Variants in SETBP1 observed in about 807,000 individuals in gnomAD.
The protein encoded by SETBP1 is SET binding protein 1, also known as SET-binding protein.
A neutral mutation model predicts 101.0 loss-of-function variants in SETBP1; 9 were observed. The ratio of observed to expected loss-of-function variants is 0.09; its 90% CI spans 0.05 to 0.16. The LOEUF (loss-of-function observed/expected upper bound fraction) is 0.16. SETBP1 is among the 10% of genes least tolerant of loss of function. SETBP1 has a pLI of 1.00. For synonymous variants in SETBP1, 818 were observed against 788.5 expected, an observed-to-expected ratio of 1.04 and a Z score of -0.63; for missense variants, 1,858 against 2,033.8, an observed-to-expected ratio of 0.91 and a Z score of 1.66.
rs186679188 is a variant in SETBP1, at chr18:44,739,969, G to A, written c.486+38137G>A. Among the ~76,000 whole-genome samples the A allele has an allele frequency of 7.2e-5, 11 of 152,304 alleles. No homozygotes were observed. In the East Asian group the frequency reaches 2.1e-3, roughly 29 times the overall value. The stretch of plus-strand genomic sequence containing the variant: ...GTTGGAAGAATAGAAAGTCTGCCTA[G>A]AGTGTCTTTGGAATGCCAGAGGATG... On this transcript the variant is annotated intron_variant, in intron 2 of 5. Coordinates refer to ENST00000649279, the MANE Select transcript of SETBP1 (RefSeq NM_015559.3).
At chr18:44,986,547 T>A (rs183282525) in intron 4 of SETBP1, 5 of 152,212 alleles carry the variant, frequency 3.3e-5, no homozygotes, top group Non-Finnish European at 5.9e-5. Flanking sequence ...GTAATACTTA[T>A]ATTAAAACAC....
chr18:44,895,317 T>TGAAG (rs540170191), intron 3 of SETBP1, among the ~76,000 whole-genome samples: 2 of 37,960 alleles, frequency 5.3e-5, no homozygotes, highest in South Asian at 1.0e-3. Flanking sequence ...AGAGAGGGAG[T>TGAAG]GAAGGAAGGA....
intron 3 of SETBP1, among the ~76,000 whole-genome samples, chr18:44,879,557 C>T (rs1054632956): frequency 6.6e-6 from 1 of 152,078 alleles, no homozygotes; most frequent in Non-Finnish European, 1.5e-5. Flanking sequence ...TTCAGCTTCC[C>T]AAGACCATAT....
intron 5 of SETBP1, among the ~76,000 whole-genome samples, chr18:45,058,476 G>A (rs1048199435): frequency 2.0e-5 from 3 of 152,064 alleles, no homozygotes; most frequent in African/African-American, 4.8e-5. Flanking sequence ...AAAGAATTAC[G>A]GCAAACTAAA....
chr18:44,909,899 C>T (rs1236963660), intron 3 of SETBP1, among the ~76,000 whole-genome samples: 1 of 152,204 alleles, frequency 6.6e-6, no homozygotes, highest in Non-Finnish European at 1.5e-5. Flanking sequence ...TGGAGAATCA[C>T]AGAATTAGCT....
At chr18:45,042,678 G>T (rs1471197503) in intron 5 of SETBP1, among the ~76,000 whole-genome samples, 1 of 151,948 alleles carries the variant, frequency 6.6e-6, no homozygotes, top group Non-Finnish European at 1.5e-5. Context: ...GTGTTATATG[G>T]GTCCCCCAAT....
intron 2 of SETBP1, among the ~76,000 whole-genome samples, chr18:44,727,186 CTGTGTGTG>C (rs56695366): frequency 4.8e-5 from 7 of 145,304 alleles, no homozygotes; most frequent in South Asian, 4.6e-4. Context: ...TATTTGATCA[CTGTGTGTG>C]TGTGTGTGTG....
At chr18:44,716,667 A>G (rs529651427) in intron 2 of SETBP1, among the ~76,000 whole-genome samples, 41 of 152,212 alleles carry the variant, frequency 2.7e-4, no homozygotes, top group Non-Finnish European at 4.6e-4. Context: ...GGTTCAAGCG[A>G]TCCTCTCACC....
In SETBP1 at chr18:45,016,405, G is replaced by A. The variant is rs145376592; in HGVS notation, c.4001-22080G>A. On this transcript the variant is annotated intron_variant, in intron 4 of 5. Transcript: ENST00000649279. ...CCAGCCCATAGAGAAAGTGGTGGGG[G>A]AGAGTGTGGACCCCTTCAGCCCCCA... 3.9e-3 allele frequency among the ~76,000 whole-genome samples: 591 copies of A among 152,150 alleles called. 3 individuals carry two copies. Among genetic ancestry groups the A allele is most frequent in the African/African-American group, 0.014 (570 of 41,528 alleles).
chr18:44,931,965 A>C (rs1444003005), intron 3 of SETBP1, among the ~76,000 whole-genome samples: 2 of 152,114 alleles, frequency 1.3e-5, no homozygotes, highest in African/African-American at 4.8e-5. Context: ...GTTATGTGTG[A>C]ATTTGATCCC....
chr18:44,948,316 G>A (rs189705604), intron 3 of SETBP1, among the ~76,000 whole-genome samples: 19 of 152,252 alleles, frequency 1.2e-4, no homozygotes, highest in African/African-American at 4.3e-4. Flanking sequence ...AATAACCCTA[G>A]GGATTCCAGA....
chr18:45,029,922 G>A (rs923353134), intron 4 of SETBP1, among the ~76,000 whole-genome samples: 26 of 151,340 alleles, frequency 1.7e-4, no homozygotes, highest in Non-Finnish European at 3.2e-4. Flanking sequence ...TGAGACAATG[G>A]GGTTTTCTAG....
Position 45,032,625 on chromosome 18 carries a change from G to T in SETBP1, c.4001-5860G>T, listed in dbSNP as rs544915935. 1.8e-3 allele frequency among the ~76,000 whole-genome samples: 267 copies of T among 152,284 alleles called. 2 individuals carry two copies. Among genetic ancestry groups the T allele is most frequent in the Middle Eastern group, 0.01 (3 of 294 alleles). On this transcript the variant is annotated intron_variant, in intron 4 of 5. Coordinates refer to ENST00000649279, the MANE Select transcript of SETBP1 (RefSeq NM_015559.3). ...CGCAGGTTGTTTGTTGTTCACAGGTGCCTGGCATGGGAGGAGAATGGGGAT... is the reference window on the plus strand; with the variant it reads ...CGCAGGTTGTTTGTTGTTCACAGGTTCCTGGCATGGGAGGAGAATGGGGAT...
intron 5 of SETBP1, among the ~76,000 whole-genome samples, chr18:45,062,682 G>C (rs183964661): frequency 1.6e-4 from 25 of 152,238 alleles, no homozygotes; most frequent in African/African-American, 6.0e-4. Context: ...TGTCAAAAAG[G>C]TGAATACAAA....
At chr18:45,021,121 A>C (rs142981792) in intron 4 of SETBP1, among the ~76,000 whole-genome samples, 1 of 152,378 alleles carries the variant, frequency 6.6e-6, no homozygotes, top group African/African-American at 2.4e-5. Flanking sequence ...CTGTTGAACA[A>C]ATAAATAGGT....
At chr18:44,826,129 T>C (rs565731181) in intron 2 of SETBP1, among the ~76,000 whole-genome samples, 33 of 152,208 alleles carry the variant, frequency 2.2e-4, no homozygotes, top group Non-Finnish European at 4.1e-4. Context: ...CAGAGGCCAA[T>C]AGAGTTCAAA....
At chr18:44,823,810 C>T (rs2072170980) in intron 2 of SETBP1, among the ~76,000 whole-genome samples, 1 of 152,154 alleles carries the variant, frequency 6.6e-6, no homozygotes, top group Non-Finnish European at 1.5e-5. Flanking sequence ...TGATTTTACT[C>T]CTTTCATTCC....
chr18:44,951,443 G>A lies in SETBP1; in HGVS notation c.2103G>A (p.Gly701=), dbSNP rs2071348125. 1 of 1,614,070 alleles carries A rather than the reference G, an allele frequency of 6.2e-7. No homozygotes were observed. Among genetic ancestry groups the A allele is most frequent in the South Asian group, 1.1e-5 (1 of 91,064 alleles). ...KAKAPPETSP[G]AAAIESKLGK... is the part of the protein sequence containing the mutation. ...AAGCTCCCCCAGAGACCAGCCCTGG[G>A]GCAGCAGCCATTGAAAGCAAACTGG... Residue 701 remains glycine, a synonymous_variant, in exon 4 of 6, where the codon GGG becomes GGA. Transcript: ENST00000649279. The surrounding 1 kb of genome is among the most constrained non-coding windows in gnomAD (Gnocchi z 7.8).
chr18:44,789,456 C>G (rs2071322891), intron 2 of SETBP1, among the ~76,000 whole-genome samples: 2 of 152,128 alleles, frequency 1.3e-5, no homozygotes, highest in Admixed American at 1.3e-4. Flanking sequence ...TGACTTCTTT[C>G]AGTTTATTGA....
Sources: allele counts gnomAD v4.1 joint callset (sites outside exome capture counted in the v4.1 genomes callset), GRCh38; gene constraint gnomAD v4.1.1; non-coding constraint Gnocchi (gnomAD v3.1); transcripts MANE v1.5; gene names NCBI Gene and HGNC (gene_info 2026-07-23, HGNC 2026-07-21).